MLLT6: variants seen among roughly 807,000 people sequenced by gnomAD.
MLLT6 encodes the protein protein AF-17.
Under a neutral mutation model 103.0 loss-of-function variants are expected in MLLT6, and 22 were observed. The ratio of observed to expected loss-of-function variants is 0.21; its 90% CI spans 0.15 to 0.31. The LOEUF is 0.31. Ranked by LOEUF, MLLT6 falls within the 10% of genes least tolerant of loss-of-function variation. MLLT6 has a pLI of 1.00. For missense variants in MLLT6, 1,199 were observed against 1,441.7 expected (o/e 0.83, Z 2.73); for synonymous variants, 606 against 623.5 (o/e 0.97, Z 0.42).
At chr17:38,713,243 G>A (rs1206024055) in intron 8 of MLLT6, 2 of 520,480 alleles carry the variant, frequency 3.8e-6, no homozygotes, top group South Asian at 3.4e-5. Flanking sequence ...AAGGTGGCAT[G>A]GGGGGCAGGC....
In MLLT6 at chr17:38,715,643, A is replaced by T; in HGVS notation, c.851A>T (p.His284Leu). The part of the protein sequence containing the change: ...VSSSASSSSH[H>L]EASTQETSES... ...TCCTCGGCTTCCTCTTCCTCCCACC[A>T]CGAGGCCAGCACGCAGGAGACCTCT... Residue 284 changes from histidine to leucine, a missense_variant, in exon 9 of 20, where the codon CAC becomes CTC. Around this residue, in one of 7 missense-constraint regions of MLLT6, gnomAD observed 1,034 missense variants for 1,091.5 expected, o/e 0.95. Transcript: ENST00000621332. The T allele has an allele frequency of 6.2e-7, 1 of 1,613,578 alleles. No homozygotes were observed. The highest frequency in any genetic ancestry group is 1.1e-5 in the South Asian group (1 of 91,048).
chr17:38,709,528 G>A lies in MLLT6; in HGVS notation c.505G>A (p.Asp169Asn). The A allele has an allele frequency of 1.2e-6, 2 of 1,614,258 alleles. No homozygotes were observed. The highest frequency in any genetic ancestry group is 2.2e-5 in the South Asian group (2 of 91,084). ...LLCEEEVLEV[D>N]NVKYCGYCKY... ...GTGTGAGGAAGAAGTGCTGGAGGTG[G>A]ACAACGTCAAGTACTGCGGCTACTG... The change falls in exon 6 of 20, where the codon GAC (aspartate) becomes AAC (asparagine). Residue 169 changes from aspartate to asparagine, a missense_variant. Around this residue, in one of 7 missense-constraint regions of MLLT6, gnomAD observed 59 missense variants for 135.1 expected, o/e 0.44. Transcript: ENST00000621332. The surrounding 1 kb of genome is among the most constrained non-coding windows in gnomAD (Gnocchi z 4.3).
chr17:38,707,370 G>A, intron 2 of MLLT6, 116 bp from the exon 3 acceptor site: 1 of 907,390 alleles, frequency 1.1e-6, no homozygotes, highest in South Asian at 1.5e-5. Flanking sequence ...TGTTTCCACT[G>A]TAGCCCCATC....
At position 38,716,885 on chromosome 17, in the gene MLLT6, C is replaced by T. The variant is rs746793423; in HGVS notation, c.1555C>T (p.Leu519=). 1 of 1,613,674 alleles carries T rather than the reference C, an allele frequency of 6.2e-7. No homozygotes were observed. Among genetic ancestry groups the T allele is most frequent in the South Asian group, 1.1e-5 (1 of 90,966 alleles). Residue 519 remains leucine, a synonymous_variant, in exon 10 of 20, where the codon CTG becomes TTG. Coordinates refer to ENST00000621332, the MANE Select transcript of MLLT6 (RefSeq NM_005937.4). The surrounding 1 kb of genome is among the most constrained non-coding windows in gnomAD (Gnocchi z 5.6). ...TAASPFSGGS[L]VSSGLGGLSS... ...TGCCTCACCCTTCTCTGGAGGTTCC[C>T]TGGTCAGCTCCGGCCTGGGAGGTCT...
chr17:38,726,366 CGTGCATGTGTGTGTGTGTGTGTGT>C lies in MLLT6; in HGVS notation c.*772_*795del. ...GTCTCAGTGTGTGAGTGTGTGTGTG[CGTGCATGTGTGTGTGTGTGTGTGT>C]GTGTGTGTGTGTCTGTCTGCCTGTC... On this transcript the variant is annotated 3_prime_UTR_variant, in exon 20 of 20. Transcript: ENST00000621332. The C allele has an allele frequency of 4.4e-6, 1 of 228,768 alleles. No homozygotes were observed. The highest frequency in any genetic ancestry group is 8.5e-6 in the Non-Finnish European group (1 of 117,304). The allele number at this position is 228,768 out of a possible 1,614,324, so 14.2% of individuals were successfully genotyped here. A position where few individuals can be genotyped will look rare whatever the true frequency, so the allele number is the denominator to read the frequency against.
In MLLT6 at chr17:38,717,568, C is replaced by T; in HGVS notation, c.1788C>T (p.Phe596=). The T allele has an allele frequency of 6.2e-7, 1 of 1,614,002 alleles. No individual in the cohort carries two copies. Among genetic ancestry groups the T allele is most frequent in the Non-Finnish European group, 8.5e-7 (1 of 1,179,964 alleles). Residue 596 remains phenylalanine, a synonymous_variant, in exon 11 of 20, where the codon TTC becomes TTT. Coordinates refer to ENST00000621332, the MANE Select transcript of MLLT6 (RefSeq NM_005937.4). ...TGCCCCGCCTCAGCCGCTCCCCGTT[C>T]ACCAGCACCCTCCCCTCCTCTTCTG... is the stretch of plus-strand genomic sequence containing the variant. The part of the protein sequence containing the change: ...SALPRLSRSP[F]TSTLPSSSAS...
intron 12 of MLLT6, 22 bp downstream of exon 12, chr17:38,717,975 T>C: frequency 6.6e-7 from 1 of 1,508,476 alleles, no homozygotes; most frequent in Non-Finnish European, 9.2e-7. Flanking sequence ...TCTGATCCCC[T>C]CTCCCCTTTC....
intron 1 of MLLT6, 44 bp from the exon 2 acceptor site, chr17:38,706,906 A>C (rs1258572579): frequency 1.3e-6 from 2 of 1,550,016 alleles, no homozygotes; most frequent in South Asian, 2.3e-5. Context: ...GGAAAAAGCC[A>C]CTGGCTGACA....
rs971069087 is a variant in MLLT6, at chr17:38,722,090, G to T, written c.2655G>T (p.Leu885Phe). The change falls in exon 17 of 20, where the codon TTG becomes TTT. Residue 885 changes from leucine (L) to phenylalanine (F), a missense_variant. By Grantham distance (22) the Leu-to-Phe change is conservative. Around this residue, in one of 7 missense-constraint regions of MLLT6, gnomAD observed 1,034 missense variants for 1,091.5 expected, o/e 0.95. Coordinates refer to ENST00000621332, the MANE Select transcript of MLLT6 (RefSeq NM_005937.4). ...LGAMPMAEGL[L>F]GGLAGSGGLP... is the part of the protein sequence containing the mutation. ...CCATGCCCATGGCTGAGGGGCTGTT[G>T]GGGGGGCTGGCAGGCAGTGGGGGCC... The T allele has an allele frequency of 9.5e-6, 13 of 1,372,178 alleles. No homozygotes were observed. The highest frequency in any genetic ancestry group is 1.5e-5 in the African/African-American group (1 of 65,140). The allele number at this position is 1,372,178 out of a possible 1,614,324, so 85.0% of individuals were successfully genotyped here. A position where few individuals can be genotyped will look rare whatever the true frequency, so the allele number is the denominator to read the frequency against.
Position 38,725,721 on chromosome 17 carries a change from A to G in MLLT6, c.*123A>G. The stretch of plus-strand genomic sequence containing the variant: ...GAGCCTTGACCCAGAGCCTGTGCTG[A>G]GGTCCAGGGAGTGTGGAGAGCTCCT... On this transcript the variant is annotated 3_prime_UTR_variant, in exon 20 of 20. Transcript: ENST00000621332. 3 of 811,370 alleles carry G rather than the reference A, an allele frequency of 3.7e-6. No individual in the cohort carries two copies. The highest frequency in any genetic ancestry group is 5.7e-6 in the Non-Finnish European group (3 of 522,858). 50.3% of individuals were successfully genotyped at this position (811,370 alleles called of 1,614,324 possible). A position where few individuals can be genotyped will look rare whatever the true frequency, so the allele number is the denominator to read the frequency against.
At chr17:38,706,618 C>T (rs544973460) in intron 1 of MLLT6, 2 of 251,106 alleles carry the variant, frequency 8.0e-6, no homozygotes, top group South Asian at 3.1e-4. Flanking sequence ...ACTGTTGTCC[C>T]CTCTGGTTTT....
chr17:38,728,783 T>TGA lies in MLLT6; in HGVS notation c.*3186_*3187dup. The TGA allele has an allele frequency of 4.3e-6, 1 of 234,392 alleles. No homozygotes were observed. The highest frequency in any genetic ancestry group is 6.0e-5 in the East Asian group (1 of 16,606). The allele number at this position is 234,392 out of a possible 1,614,324, so 14.5% of individuals were successfully genotyped here. ...CTGGCTGGCTGTCCCTGTGTGTGTG[T>TGA]GACACACGGTGTGAGTGCAGGGCTG... On this transcript the variant is annotated 3_prime_UTR_variant, in exon 20 of 20. Coordinates refer to ENST00000621332, the MANE Select transcript of MLLT6 (RefSeq NM_005937.4).
Position 38,726,795 on chromosome 17 carries a change from G to A in MLLT6, c.*1197G>A, listed in dbSNP as rs1294396727. 2 of 233,616 alleles carry A rather than the reference G, an allele frequency of 8.6e-6. No homozygotes were observed. The highest frequency in any genetic ancestry group is 5.6e-5 in the Admixed American group (1 of 17,786). 14.5% of individuals were successfully genotyped at this position (233,616 alleles called of 1,614,324 possible). A position where few individuals can be genotyped will look rare whatever the true frequency, so the allele number is the denominator to read the frequency against. ...GCTTTTAGCAAAAGCCTCCCTCCCA[G>A]AATTAGCCAGCTTGCCTCCTGCACC... On this transcript the variant is annotated 3_prime_UTR_variant, in exon 20 of 20. Coordinates refer to ENST00000621332, the MANE Select transcript of MLLT6 (RefSeq NM_005937.4).
chr17:38,717,229 G>A (rs527852896), intron 10 of MLLT6, among the ~76,000 whole-genome samples: 12 of 152,214 alleles, frequency 7.9e-5, no homozygotes, highest in Admixed American at 2.6e-4. Flanking sequence ...TGTAGCCCTC[G>A]GCAGGGCAGT....
chr17:38,719,791 C>A lies in MLLT6; in HGVS notation c.2051C>A (p.Ala684Asp). 6.2e-7 allele frequency: 1 copy of A among 1,613,486 alleles called. No individual in the cohort carries two copies. The highest frequency in any genetic ancestry group is 8.5e-7 in the Non-Finnish European group (1 of 1,179,856). ...SSLPALFDQTASAPCGGGQLD... is the reference protein window; with the variant it reads ...SSLPALFDQTDSAPCGGGQLD... The stretch of plus-strand genomic sequence containing the variant: ...CTCCCCGCACTCTTCGACCAGACAG[C>A]CTCTGCACCCTGTGGGGGCGGCCAG... The change falls in exon 14 of 20, where the codon GCC (alanine) becomes GAC (aspartate). Residue 684 changes from alanine (A) to aspartate (D), a missense_variant. Ala to Asp is a moderately radical substitution (Grantham distance 126, BLOSUM62 -2). Coordinates refer to ENST00000621332, the MANE Select transcript of MLLT6 (RefSeq NM_005937.4).
intron 9 of MLLT6, 54 bp downstream of exon 9, chr17:38,715,882 A>G: frequency 6.8e-7 from 1 of 1,472,952 alleles, no homozygotes; most frequent in Non-Finnish European, 9.2e-7. Context: ...TTTTGTCCTG[A>G]GCTTTTCTGG....
intron 6 of MLLT6, among the ~76,000 whole-genome samples, chr17:38,710,285 G>T (rs1385071017): frequency 6.6e-6 from 1 of 152,174 alleles, no homozygotes; most frequent in East Asian, 1.9e-4. Flanking sequence ...AGGGGTCCAG[G>T]GGGAGGCTGG....
Position 38,712,032 on chromosome 17 carries a change from C to A in MLLT6, c.720+18C>A. 6.5e-7 allele frequency: 1 copy of A among 1,533,004 alleles called. No homozygotes were observed. The highest frequency in any genetic ancestry group is 8.8e-7 in the Non-Finnish European group (1 of 1,137,920). 95.0% of individuals were successfully genotyped at this position (1,533,004 alleles called of 1,614,324 possible). ...AGAAGAAGGTAGAAGTCCTCCCCCA[C>A]CTGCCATCACTCCCACACGGGGACT... On this transcript the variant is annotated intron_variant, in intron 7 of 19. Transcript: ENST00000621332.
chr17:38,715,379 C>T (rs1905288818), intron 8 of MLLT6: 2 of 542,068 alleles, frequency 3.7e-6, no homozygotes, highest in East Asian at 6.2e-5. Context: ...AGACAGACAC[C>T]TTCTTGGGTT....
Sources: gnomAD v4.1 joint callset for allele counts (sites outside exome capture counted in the v4.1 genomes callset) on GRCh38, gnomAD v4.1.1 for gene constraint, gnomAD v4.1.1 regional missense constraint, Gnocchi (gnomAD v3.1) non-coding constraint, MANE v1.5 for transcripts, NCBI Gene and HGNC (gene_info 2026-07-23, HGNC 2026-07-21) for gene names.